DCC: variants seen among roughly 807,000 people sequenced by gnomAD.
DCC encodes the protein DCC netrin 1 receptor, also known as netrin receptor DCC.
Under a neutral mutation model 172.5 loss-of-function variants are expected in DCC, and 58 were observed. That is an observed-to-expected ratio of 0.34 (90% confidence interval 0.27 to 0.42). The LOEUF (loss-of-function observed/expected upper bound fraction) is 0.42. DCC is among the 10% of genes least tolerant of loss of function. The probability of loss-of-function intolerance (pLI) is 1.00; values close to 1 mark genes in which losing one functional copy is unlikely to be tolerated. For missense variants in DCC, 1,740 were observed against 1,791.0 expected (o/e 0.97, Z 0.51); for synonymous variants, 709 against 644.5 (o/e 1.10, Z -1.52).
intron 15 of DCC, among the ~76,000 whole-genome samples, chr18:53,353,279 G>GA (rs67730754): frequency 0.034 from 4,573 of 135,012 alleles, 93 homozygotes; most frequent in Admixed American, 0.055. Flanking sequence ...CACTTGAGAG[G>GA]AAAAAAAAAA....
rs2043589101 is a variant in DCC at position 53,127,907 on chromosome 18, T to A, written c.1262-29449T>A. On this transcript the variant is annotated intron_variant, in intron 7 of 28. Transcript: ENST00000442544. ...CAAATTATTTTTGTTTCTATATGTTTCTTCTTAAAATCGATCATTCTGAAG... is the reference window on the plus strand; with the variant it reads ...CAAATTATTTTTGTTTCTATATGTTACTTCTTAAAATCGATCATTCTGAAG... 2.0e-5 allele frequency among the ~76,000 whole-genome samples: 3 copies of A among 152,280 alleles called. No homozygotes were observed. The South Asian group carries it at 6.2e-4, about 32-fold the overall frequency.
chr18:52,345,148 T>G (rs1983823915), intron 1 of DCC, among the ~76,000 whole-genome samples: 1 of 152,238 alleles, frequency 6.6e-6, no homozygotes, highest in South Asian at 2.1e-4. Flanking sequence ...CTACCTCAGA[T>G]GATAATCTCT....
chr18:53,379,906 A>G (rs1907587548), intron 15 of DCC, among the ~76,000 whole-genome samples: 1 of 152,238 alleles, frequency 6.6e-6, no homozygotes, highest in African/African-American at 2.4e-5. Context: ...TTATTTGGAA[A>G]TTTATTTTCA....
At chr18:52,496,474 C>A (rs2030755284) in intron 1 of DCC, among the ~76,000 whole-genome samples, 1 of 152,054 alleles carries the variant, frequency 6.6e-6, no homozygotes, top group Admixed American at 6.6e-5. Context: ...CCTTAAAATG[C>A]CAGGTTTTAC....
chr18:52,448,304 T>C (rs1348041478), intron 1 of DCC, among the ~76,000 whole-genome samples: 1 of 152,090 alleles, frequency 6.6e-6, no homozygotes, highest in Admixed American at 6.5e-5. Context: ...TGTGGAAAAA[T>C]TGTCTTCCAC....
chr18:53,040,345 G>A (rs2042153021), intron 5 of DCC, among the ~76,000 whole-genome samples: 1 of 151,954 alleles, frequency 6.6e-6, no homozygotes, highest in Admixed American at 6.6e-5. Flanking sequence ...TTTGGAGTAA[G>A]CCCTATTTCT....
chr18:52,387,894 T>G (rs971882823), intron 1 of DCC, among the ~76,000 whole-genome samples: 1 of 152,036 alleles, frequency 6.6e-6, no homozygotes, highest in African/African-American at 2.4e-5. Flanking sequence ...ATATCTAGTT[T>G]TAAAAGTAAA....
intron 2 of DCC, among the ~76,000 whole-genome samples, chr18:52,792,577 T>G (rs976414709): frequency 3.3e-5 from 5 of 152,206 alleles, no homozygotes; most frequent in African/African-American, 1.2e-4. Flanking sequence ...ATGGCCCATA[T>G]GCCATATGCC....
chr18:52,589,452 G>A (rs893993987), intron 1 of DCC, among the ~76,000 whole-genome samples: 1 of 152,102 alleles, frequency 6.6e-6, no homozygotes, highest in Non-Finnish European at 1.5e-5. Context: ...GAAGGCTTTG[G>A]ATATTATCAG....
chr18:53,168,499 A>C (rs971376443), intron 8 of DCC, among the ~76,000 whole-genome samples: 1 of 142,132 alleles, frequency 7.0e-6, no homozygotes, highest in Non-Finnish European at 1.5e-5. Flanking sequence ...CTTACTTACA[A>C]CTGGGAGTTG....
At chr18:52,682,839 C>T (rs895191868) in intron 1 of DCC, among the ~76,000 whole-genome samples, 1 of 152,096 alleles carries the variant, frequency 6.6e-6, no homozygotes. Flanking sequence ...AAGTGGGCCT[C>T]GTTTAAGGGT....
Position 53,339,840 on chromosome 18 carries a change from T to C in DCC, c.2292T>C (p.Val764=). Residue 764 remains valine (V), a synonymous_variant, in exon 15 of 29, where the codon GTT becomes GTC. Coordinates refer to ENST00000442544, the MANE Select transcript of DCC (RefSeq NM_005215.4). The part of the protein sequence containing the change: ...VVRGYIIGYG[V]GSPYAETVRV... ...GAGGTTATATTATCGGTTATGGCGT[T>C]GGGAGCCCTTACGCTGAGACAGTGC... The C allele has an allele frequency of 6.2e-7, 1 of 1,613,988 alleles. No individual in the cohort carries two copies. The highest frequency in any genetic ancestry group is 8.5e-7 in the Non-Finnish European group (1 of 1,179,954).
At position 53,451,710 on chromosome 18, in the gene DCC, G is replaced by GCTCTCTCTCT. The variant is rs371232356; in HGVS notation, c.3392+1062_3392+1071dup. Among the ~76,000 whole-genome samples the GCTCTCTCTCT allele has an allele frequency of 4.8e-3, 710 of 147,428 alleles. 5 individuals are homozygous for GCTCTCTCTCT. Among genetic ancestry groups the GCTCTCTCTCT allele is most frequent in the Middle Eastern group, 0.01 (3 of 290 alleles). On this transcript the variant is annotated intron_variant, in intron 23 of 28. Coordinates refer to ENST00000442544, the MANE Select transcript of DCC (RefSeq NM_005215.4). ...CTTCTGTTGCTAATAGCTCGCTCTTGCTCTCTCTCTCTCTCTCTCTCTCCA... is the reference window on the plus strand; with the variant it reads ...CTTCTGTTGCTAATAGCTCGCTCTTGCTCTCTCTCTCTCTCTCTCTCTCTCTCTCTCTCCA...
At chr18:52,422,442 A>G (rs1384278287) in intron 1 of DCC, among the ~76,000 whole-genome samples, 1 of 152,144 alleles carries the variant, frequency 6.6e-6, no homozygotes, top group African/African-American at 2.4e-5. Flanking sequence ...CATGGCCCAG[A>G]GAAGAGCCTG....
intron 2 of DCC, among the ~76,000 whole-genome samples, chr18:52,782,932 CTATT>C (rs2037575175): frequency 6.6e-6 from 1 of 152,066 alleles, no homozygotes; most frequent in African/African-American, 2.4e-5. Context: ...TAAATCATCA[CTATT>C]TGTTATATCA....
At chr18:53,254,507 CT>C (rs1223217191) in intron 12 of DCC, among the ~76,000 whole-genome samples, 1 of 151,998 alleles carries the variant, frequency 6.6e-6, no homozygotes, top group Non-Finnish European at 1.5e-5. Flanking sequence ...CATTGAATCC[CT>C]CTTTCAAAGT....
intron 16 of DCC, 118 bp downstream of exon 16, chr18:53,386,256 T>C: frequency 1.4e-6 from 1 of 722,912 alleles, no homozygotes; most frequent in South Asian, 1.5e-5. Flanking sequence ...TATCCTCTGA[T>C]AATCCTCAGA....
chr18:52,812,900 A>T (rs1223975800), intron 2 of DCC, among the ~76,000 whole-genome samples: 1 of 152,204 alleles, frequency 6.6e-6, no homozygotes, highest in Admixed American at 6.5e-5. Flanking sequence ...ATAGGCCAGA[A>T]TTCTGTGAGT....
intron 2 of DCC, among the ~76,000 whole-genome samples, chr18:52,864,786 T>C (rs1232207919): frequency 6.6e-6 from 1 of 152,104 alleles, no homozygotes; most frequent in Non-Finnish European, 1.5e-5. Context: ...TGTTTGGTTT[T>C]CTCTTCTTGT....
Sources: allele counts gnomAD v4.1 joint callset (sites outside exome capture counted in the v4.1 genomes callset), GRCh38; gene constraint gnomAD v4.1.1; transcripts MANE v1.5; gene names NCBI Gene and HGNC (gene_info 2026-07-23, HGNC 2026-07-21).